GRAMD2B: variants seen among roughly 807,000 people sequenced by gnomAD.
GRAMD2B encodes the protein GRAM domain containing 2B.
A neutral mutation model predicts 59.2 loss-of-function variants in GRAMD2B; 41 were observed. That is an observed-to-expected ratio of 0.69 (90% CI 0.54 to 0.90). The LOEUF is 0.90. Ranked by LOEUF, GRAMD2B falls within the 40% of genes least tolerant of loss-of-function variation. The pLI is 0.00. For synonymous variants in GRAMD2B, 161 were observed against 182.7 expected, an observed-to-expected ratio of 0.88 and a Z score of 0.96; for missense variants, 424 against 500.5, an observed-to-expected ratio of 0.85 and a Z score of 1.46.
rs1755239790 is a variant in GRAMD2B, at chr5:126,376,928, G to A, written c.125+5361G>A. ...AGAACAAATTGCACCAGGATATAGT[G>A]AGACATGGCTATGGAAGTTAAAATG... On this transcript the variant is annotated intron_variant, in intron 1 of 8. Transcript: ENST00000506445. Among the ~76,000 whole-genome samples, 4 of 151,828 alleles carry A rather than the reference G, an allele frequency of 2.6e-5. No homozygotes were observed. In the South Asian group the frequency reaches 8.3e-4, roughly 32 times the overall value.
At chr5:126,392,733 G>A (rs1414275584) in intron 1 of GRAMD2B, among the ~76,000 whole-genome samples, 3 of 152,038 alleles carry the variant, frequency 2.0e-5, no homozygotes, top group East Asian at 1.9e-4. Context: ...CAGGGGGTGC[G>A]GGATGGGAAA....
intron 1 of GRAMD2B, among the ~76,000 whole-genome samples, chr5:126,457,261 T>C (rs745812592): frequency 2.8e-4 from 43 of 151,542 alleles, no homozygotes; most frequent in Non-Finnish European, 4.9e-4. Flanking sequence ...TTCCCTCTTA[T>C]ACCTATTCTG....
intron 3 of GRAMD2B, among the ~76,000 whole-genome samples, chr5:126,471,606 C>G (rs754761983): frequency 6.6e-6 from 1 of 152,196 alleles, no homozygotes; most frequent in African/African-American, 2.4e-5. Context: ...CTGTCACTGG[C>G]TAAGGAAATG....
intron 1 of GRAMD2B, among the ~76,000 whole-genome samples, chr5:126,395,283 C>G (rs1757261826): frequency 6.6e-6 from 1 of 152,164 alleles, no homozygotes; most frequent in Non-Finnish European, 1.5e-5. Context: ...TAGTTATAAT[C>G]ATGAAGTTCA....
chr5:126,490,703 C>T (rs1005799374), intron 13 of GRAMD2B, among the ~76,000 whole-genome samples: 1 of 152,226 alleles, frequency 6.6e-6, no homozygotes, highest in African/African-American at 2.4e-5. Context: ...CGCAGCACAG[C>T]CTGCCGGTGA....
chr5:126,361,853 C>G (rs1754235064), intron 1 of GRAMD2B, among the ~76,000 whole-genome samples: 1 of 152,144 alleles, frequency 6.6e-6, no homozygotes, highest in Non-Finnish European at 1.5e-5. Context: ...TGGTAAGCCT[C>G]TATATCTGTG....
intron 1 of GRAMD2B, among the ~76,000 whole-genome samples, chr5:126,460,758 T>G (rs547023347): frequency 6.6e-6 from 1 of 152,296 alleles, no homozygotes; most frequent in East Asian, 1.9e-4. Flanking sequence ...TGAATCCAGG[T>G]GCCAACATGG....
At chr5:126,476,124 T>A (rs977510643) in intron 5 of GRAMD2B, among the ~76,000 whole-genome samples, 3 of 151,870 alleles carry the variant, frequency 2.0e-5, no homozygotes, top group Non-Finnish European at 2.9e-5. Context: ...AAGAAAAAAA[T>A]TAGCTGGGTG....
upstream of GRAMD2B, among the ~76,000 whole-genome samples, chr5:126,419,834 A>T (rs1256821294): frequency 6.6e-6 from 1 of 152,102 alleles, no homozygotes; most frequent in Non-Finnish European, 1.5e-5. Context: ...AGGTGGGCAG[A>T]TCACCAGGTC....
chr5:126,451,036 C>T (rs949154643), intron 1 of GRAMD2B, among the ~76,000 whole-genome samples: 9 of 152,246 alleles, frequency 5.9e-5, no homozygotes, highest in Non-Finnish European at 1.5e-5. Context: ...GTCCTCCAGA[C>T]CCCAGAATGG....
At chr5:126,433,953 G>T (rs1441157829) in intron 1 of GRAMD2B, 1 of 152,216 alleles carries the variant, frequency 6.6e-6, no homozygotes. Context: ...CATAAGGTTG[G>T]CAAATCTTCT....
At chr5:126,445,268 G>T (rs111340213) in intron 1 of GRAMD2B, among the ~76,000 whole-genome samples, 4,566 of 152,150 alleles carry the variant, frequency 0.03, 207 homozygotes, top group African/African-American at 0.1. Context: ...TTAAGGAATT[G>T]CCACACTCTC....
At chr5:126,456,318 C>T (rs948096852) in intron 1 of GRAMD2B, among the ~76,000 whole-genome samples, 6 of 152,120 alleles carry the variant, frequency 3.9e-5, no homozygotes, top group African/African-American at 7.2e-5. Context: ...TCAAGTGATC[C>T]TCCCACCTCA....
chr5:126,450,057 CTTTT>C (rs781008973), intron 1 of GRAMD2B, among the ~76,000 whole-genome samples: 1 of 147,302 alleles, frequency 6.8e-6, no homozygotes, highest in African/African-American at 2.5e-5. Flanking sequence ...CTTTTGATCT[CTTTT>C]TTTTTTTCCT....
In GRAMD2B at chr5:126,434,424, A is replaced by G. The variant is rs187072962; in HGVS notation, c.83+10735A>G. Among the ~76,000 whole-genome samples, 10 of 152,210 alleles carry G rather than the reference A, an allele frequency of 6.6e-5. No individual in the cohort carries two copies. The South Asian group carries it at 2.1e-3, about 32-fold the overall frequency. On this transcript the variant is annotated intron_variant, in intron 1 of 13. Transcript: ENST00000285689. ...TTTGTATAGACATCACACTTTTTCA[A>G]ACCCCCTCCCCATATTCCAAATGGC... is the stretch of plus-strand genomic sequence containing the variant.
chr5:126,366,602 T>G (rs1031379742), upstream of GRAMD2B, among the ~76,000 whole-genome samples: 2 of 152,148 alleles, frequency 1.3e-5, no homozygotes, highest in African/African-American at 4.8e-5. Context: ...TTATTCCCAT[T>G]TTTACAAAAG....
Position 126,442,674 on chromosome 5 carries a change from G to A in GRAMD2B, c.83+18985G>A, listed in dbSNP as rs142507256. Among the ~76,000 whole-genome samples, 196 of 152,146 alleles carry A rather than the reference G, an allele frequency of 1.3e-3. 2 individuals are homozygous for A. The highest frequency in any genetic ancestry group is 0.011 in the Admixed American group (166 of 15,280). ...TCTGTGAGCCCCCTGCTTAAAATCC[G>A]TCTGTAAATATTTCCTTGAAATCTG... On this transcript the variant is annotated intron_variant, in intron 1 of 13. Coordinates refer to ENST00000285689, the MANE Select transcript of GRAMD2B (RefSeq NM_023927.4).
At chr5:126,434,604 G>A (rs1045486529) in intron 1 of GRAMD2B, among the ~76,000 whole-genome samples, 6 of 151,784 alleles carry the variant, frequency 4.0e-5, no homozygotes, top group East Asian at 3.9e-4. Flanking sequence ...TGCAAGCTCC[G>A]CCTCCCGGGT....
intron 1 of GRAMD2B, among the ~76,000 whole-genome samples, chr5:126,454,624 T>A (rs773091401): frequency 6.6e-6 from 1 of 152,192 alleles, no homozygotes; most frequent in Non-Finnish European, 1.5e-5. Context: ...CAGGAATGAA[T>A]CACATGATTG....
Sources: allele counts gnomAD v4.1 joint callset (sites outside exome capture counted in the v4.1 genomes callset), GRCh38; gene constraint gnomAD v4.1.1; transcripts MANE v1.5; gene names NCBI Gene and HGNC (gene_info 2026-07-23, HGNC 2026-07-21).